ABCC6: variants seen among roughly 807,000 people sequenced by gnomAD.
ABCC6 encodes the protein ATP binding cassette subfamily C member 6.
Under a neutral mutation model 169.5 loss-of-function variants are expected in ABCC6, and 126 were observed. That is an observed-to-expected ratio of 0.74 (90% CI 0.64 to 0.86). ABCC6 has a LOEUF of 0.86. Among genes scored for constraint, ABCC6 ranks in the 40% least tolerant of loss-of-function variants. The pLI is 0.00. For synonymous variants in ABCC6, 752 were observed against 814.7 expected (o/e 0.92, Z 1.31); for missense variants, 1,733 against 1,927.2 (o/e 0.90, Z 1.89).
At chr16:16,203,771 C>T (rs535179697) in intron 7 of ABCC6, among the ~76,000 whole-genome samples, 158 bp from the exon 8 acceptor site, 1 of 152,274 alleles carries the variant, frequency 6.6e-6, no homozygotes, top group East Asian at 1.9e-4. Flanking sequence ...ACCCTGAGTA[C>T]CCACTTAAGA....
At position 16,155,027 on chromosome 16, in the gene ABCC6, C is replaced by T. The variant is rs374086268; in HGVS notation, c.3887G>A (p.Gly1296Asp). ...CCCTGCCCCGGTCCTGCCAACGATGCCCACCTGCCCGGGGTTGGGAGGAAA... is the reference window on the plus strand; with the variant it reads ...CCCTGCCCCGGTCCTGCCAACGATGTCCACCTGCCCGGGGTTGGGAGGAAA... ...SFKIHAGEKVGIVGRTGAGKS... is the reference protein window; with the variant it reads ...SFKIHAGEKVDIVGRTGAGKS... The change falls in exon 28 of 31, where the codon GGC becomes GAC. Residue 1296 changes from glycine to aspartate, a missense_variant. Gly to Asp is a moderately conservative substitution (Grantham distance 94). Coordinates refer to ENST00000205557, the MANE Select transcript of ABCC6 (RefSeq NM_001171.6). 1.3e-5 allele frequency: 20 copies of T among 1,554,378 alleles called. No individual in the cohort carries two copies. The African/African-American group carries it at 2.3e-4, about 18-fold the overall frequency.
rs72653761 is a variant in ABCC6 at position 16,202,033 on chromosome 16, G to A, written c.1144C>T (p.Arg382Trp). Residue 382 changes from arginine to tryptophan, a missense_variant, in exon 9 of 31, where the codon CGG becomes TGG. Around this residue, in one of 5 missense-constraint regions of ABCC6, gnomAD observed 1,601 missense variants for 1,635.5 expected, o/e 0.98. Transcript: ENST00000205557. ...YRLKVLQMRL[R>W]SAITGLVYRK... ...TACACCAGGCCAGTGATGGCCGACCGCAACCTCATCTGCAGCACCTTGAGC... is the reference window on the plus strand; with the variant it reads ...TACACCAGGCCAGTGATGGCCGACCACAACCTCATCTGCAGCACCTTGAGC... The A allele has an allele frequency of 3.4e-5, 55 of 1,613,958 alleles. No homozygotes were observed. The South Asian group carries it at 3.8e-4, about 11-fold the overall frequency.
intron 12 of ABCC6, among the ~76,000 whole-genome samples, chr16:16,189,442 A>G (rs1243689483): frequency 1.4e-5 from 2 of 145,712 alleles, no homozygotes; most frequent in South Asian, 2.2e-4. Context: ...TTTTGAGATG[A>G]AGTCTTGCTC....
chr16:16,215,811 T>C (rs1037434731), intron 4 of ABCC6, among the ~76,000 whole-genome samples: 12 of 152,126 alleles, frequency 7.9e-5, no homozygotes, highest in Admixed American at 2.0e-4. Context: ...GATATTTTGA[T>C]ACAGGCATGC....
intron 24 of ABCC6, among the ~76,000 whole-genome samples, chr16:16,162,778 G>A (rs2046758955): frequency 6.6e-6 from 1 of 152,130 alleles, no homozygotes; most frequent in Non-Finnish European, 1.5e-5. Context: ...GGCAACAGAA[G>A]CTTCTTCCTG....
At position 16,169,842 on chromosome 16, in the gene ABCC6, T is replaced by C. The variant is rs759128201; in HGVS notation, c.2799A>G (p.Thr933=). ...DSIQYGRVKA[T]VHLAYLRAVG... ...CGGCACGCAGGTAGGCCAGGTGCACTGTGGCCTTCACCTGTAGCACACATG... is the reference window on the plus strand; with the variant it reads ...CGGCACGCAGGTAGGCCAGGTGCACCGTGGCCTTCACCTGTAGCACACATG... The change falls in exon 22 of 31, where the codon ACA becomes ACG. Residue 933 remains threonine (T), a synonymous_variant. Coordinates refer to ENST00000205557, the MANE Select transcript of ABCC6 (RefSeq NM_001171.6). The C allele has an allele frequency of 4.5e-6, 7 of 1,553,960 alleles. 1 individual carries two copies. In the Middle Eastern group the frequency reaches 5.2e-4, roughly 116 times the overall value.
intron 27 of ABCC6, among the ~76,000 whole-genome samples, chr16:16,157,086 C>A (rs190724133): frequency 6.6e-6 from 1 of 151,838 alleles, no homozygotes; most frequent in Non-Finnish European, 1.5e-5. Flanking sequence ...AGTGAAGGGG[C>A]CTGATGAGGC....
rs549568055 is a variant in ABCC6, at chr16:16,149,577, G to A, written c.*556C>T. 20 of 236,970 alleles carry A rather than the reference G, an allele frequency of 8.4e-5. No individual in the cohort carries two copies. The highest frequency in any genetic ancestry group is 8.4e-4 in the Admixed American group (17 of 20,312). The allele number at this position is 236,970 out of a possible 1,614,324, so 14.7% of individuals were successfully genotyped here. On this transcript the variant is annotated 3_prime_UTR_variant, in exon 31 of 31. Transcript: ENST00000205557. ...ACACACACAGGAGTACAGGTAAAAC[G>A]GGAAATCGAGCAAGATTGTTGTGTC...
chr16:16,187,301 T>A, intron 13 of ABCC6, 90 bp from the exon 14 acceptor site: 3 of 1,014,682 alleles, frequency 3.0e-6, no homozygotes, highest in Non-Finnish European at 4.5e-6. Context: ...TGGCAACAGC[T>A]TCCTGTCTAC....
chr16:16,172,044 ATGAG>A (rs1305507600), intron 21 of ABCC6, among the ~76,000 whole-genome samples: 2 of 106,084 alleles, frequency 1.9e-5, no homozygotes, highest in Admixed American at 1.0e-4. Flanking sequence ...GGATGCATAA[ATGAG>A]TGGGATGGAT....
rs747414005 is a variant in ABCC6 at position 16,212,235 on chromosome 16, T to C, written c.612A>G (p.Pro204=). Residue 204 remains proline (P), a synonymous_variant, in exon 6 of 31, where the codon CCA becomes CCG. Coordinates refer to ENST00000205557, the MANE Select transcript of ABCC6 (RefSeq NM_001171.6). ...PEDPQQSNPC[P]ETGAAFPSKA... The stretch of plus-strand genomic sequence containing the variant: ...TGGAGGGGAAGGCTGCCCCAGTCTC[T>C]GGACAGGGGTTCTGCAACAGACAAA... The C allele has an allele frequency of 6.7e-6, 6 of 899,940 alleles. No individual in the cohort carries two copies. The highest frequency in any genetic ancestry group is 1.1e-5 in the Non-Finnish European group (6 of 545,062). The allele number at this position is 899,940 out of a possible 1,614,324, so 55.7% of individuals were successfully genotyped here.
At chr16:16,169,562 C>T in intron 22 of ABCC6, 84 bp downstream of exon 22, 1 of 1,503,516 alleles carries the variant, frequency 6.7e-7, no homozygotes, top group Non-Finnish European at 9.1e-7. Flanking sequence ...ACAGGGTGAC[C>T]CAGGGAGGGG....
chr16:16,201,922 C>G, intron 9 of ABCC6, 79 bp downstream of exon 9: 1 of 1,547,868 alleles, frequency 6.5e-7, no homozygotes, highest in Non-Finnish European at 8.9e-7. Flanking sequence ...GCGTTCTCAG[C>G]TGCTGATAAC....
rs201715876 is a variant in ABCC6, at chr16:16,211,866, TG to T, written c.662+318del. Among the ~76,000 whole-genome samples the T allele has an allele frequency of 6.8e-4, 104 of 151,970 alleles. 2 individuals carry two copies. The East Asian group carries it at 0.018, about 26-fold the overall frequency. On this transcript the variant is annotated intron_variant, in intron 6 of 30. Transcript: ENST00000205557. The stretch of plus-strand genomic sequence containing the variant: ...TAATTACTATTAAGCACCCGCTGTG[TG>T]CAAGCACTAAGCACTTTCCGTCTCA...
intron 26 of ABCC6, 125 bp downstream of exon 26, chr16:16,159,357 G>C (rs2046640261): frequency 5.6e-6 from 5 of 900,368 alleles, no homozygotes. Flanking sequence ...CTATAGTGGT[G>C]GGGGTTGAGT....
rs1176995131 is a variant in ABCC6 at position 16,185,032 on chromosome 16, C to A, written c.1870G>T (p.Ala624Ser). The change falls in exon 15 of 31, where the codon GCC (alanine) becomes TCC (serine). Residue 624 changes from alanine to serine, a missense_variant and splice_region_variant. Transcript: ENST00000205557. ...TGTATGGTGATGCAATCCTTCCCGG[C>A]AGCTGCAGGGCACAAGAGGCCATTT... Reference protein sequence around the residue: ...VVDSSSSGSAAGKDCITIHSA... With the variant: ...VVDSSSSGSASGKDCITIHSA... 1 of 1,613,466 alleles carries A rather than the reference C, an allele frequency of 6.2e-7. No homozygotes were observed. The highest frequency in any genetic ancestry group is 1.7e-5 in the Admixed American group (1 of 60,030).
intron 21 of ABCC6, among the ~76,000 whole-genome samples, chr16:16,171,987 G>T (rs1403099462): frequency 6.9e-6 from 1 of 145,388 alleles, no homozygotes; most frequent in African/African-American, 2.5e-5. Context: ...ATAAATAAGT[G>T]GATGGGATGG....
chr16:16,155,510 TTTC>T (rs2046524835), intron 27 of ABCC6: 1 of 174,044 alleles, frequency 5.7e-6, no homozygotes, highest in Non-Finnish European at 1.2e-5. Flanking sequence ...CCGTCTCTCG[TTTC>T]TTCTTCCCTA....
intron 9 of ABCC6, 64 bp from the exon 10 acceptor site, chr16:16,198,246 G>A: frequency 1.3e-6 from 2 of 1,533,356 alleles, no homozygotes; most frequent in Admixed American, 2.0e-5. Context: ...TGCCCCAGGT[G>A]GCTTCTCCAC....
Sources: gnomAD v4.1 joint callset for allele counts (sites outside exome capture counted in the v4.1 genomes callset) on GRCh38, gnomAD v4.1.1 for gene constraint, gnomAD v4.1.1 regional missense constraint, MANE v1.5 for transcripts, NCBI Gene and HGNC (gene_info 2026-07-23, HGNC 2026-07-21) for gene names.